Variants in KCNJ16 observed in about 807,000 individuals in gnomAD.
KCNJ16 encodes the protein inward rectifier potassium channel 16.
Under a neutral mutation model 18.5 loss-of-function variants are expected in KCNJ16, and 15 were observed. The observed-to-expected ratio is 0.81, with a 90% CI of 0.54 to 1.25. KCNJ16 has a LOEUF of 1.25. Among genes scored for constraint, KCNJ16 ranks in the 50% most tolerant of loss-of-function variants. KCNJ16 has a pLI of 0.00. For missense variants in KCNJ16, 523 were observed against 525.7 expected (o/e 0.99, Z 0.05); for synonymous variants, 174 against 186.5 (o/e 0.93, Z 0.55).
At chr17:70,105,303 G>C (rs773640939) in intron 2 of KCNJ16, among the ~76,000 whole-genome samples, 1 of 152,090 alleles carries the variant, frequency 6.6e-6, no homozygotes, top group African/African-American at 2.4e-5. Flanking sequence ...AAATGTCAGT[G>C]CCATTTGCAG....
In KCNJ16 at chr17:70,096,848, G is replaced by T. The variant is rs1013052894; in HGVS notation, c.-299-3810G>T. 3 of 397,490 alleles carry T rather than the reference G, an allele frequency of 7.5e-6. No individual in the cohort carries two copies. In the Admixed American group the frequency reaches 1.3e-4, roughly 18 times the overall value. The allele number at this position is 397,490 out of a possible 1,614,324, so 24.6% of individuals were successfully genotyped here. A position where few individuals can be genotyped will look rare whatever the true frequency, so the allele number is the denominator to read the frequency against. On this transcript the variant is annotated intron_variant, in intron 1 of 3. Coordinates refer to ENST00000392671, the MANE Select transcript of KCNJ16 (RefSeq NM_170741.4). ...AAGTTACAGCTAGTAACTTGGTCAGGGTTTTTGGATATAAACTTTATTGTT... is the reference window on the plus strand; with the variant it reads ...AAGTTACAGCTAGTAACTTGGTCAGTGTTTTTGGATATAAACTTTATTGTT...
rs116531043 is a variant in KCNJ16, at chr17:70,092,848, T to C, written c.-299-7810T>C. Reference sequence around the variant, plus strand: ...CCCCATCTCCAGAAAAAGGAAAAGATGTTTGTCCTTCCTCCACCATTTTGT... The same window carrying C: ...CCCCATCTCCAGAAAAAGGAAAAGACGTTTGTCCTTCCTCCACCATTTTGT... On this transcript the variant is annotated intron_variant, in intron 1 of 3. Coordinates refer to ENST00000392671, the MANE Select transcript of KCNJ16 (RefSeq NM_170741.4). Among the ~76,000 whole-genome samples the C allele has an allele frequency of 5.6e-3, 852 of 152,262 alleles. 10 individuals are homozygous for C. The highest frequency in any genetic ancestry group is 0.02 in the African/African-American group (813 of 41,558).
At chr17:70,083,604 C>T (rs1015098550) in intron 1 of KCNJ16, among the ~76,000 whole-genome samples, 2 of 152,082 alleles carry the variant, frequency 1.3e-5, no homozygotes, top group African/African-American at 4.8e-5. Flanking sequence ...CTATACCATA[C>T]AGCCTAGGTG....
intron 1 of KCNJ16, among the ~76,000 whole-genome samples, chr17:70,097,613 A>G (rs1158476195): frequency 2.0e-5 from 3 of 152,120 alleles, no homozygotes; most frequent in African/African-American, 7.2e-5. Flanking sequence ...ATTTTTCTAC[A>G]GTGACTATTT....
intron 1 of KCNJ16, among the ~76,000 whole-genome samples, chr17:70,091,643 G>A (rs1182690473): frequency 6.6e-6 from 1 of 151,952 alleles, no homozygotes; most frequent in African/African-American, 2.4e-5. Flanking sequence ...ATGTTTCCAT[G>A]GCATCTATTC....
At chr17:70,121,868 A>C (rs1366170195) in intron 2 of KCNJ16, among the ~76,000 whole-genome samples, 1 of 152,170 alleles carries the variant, frequency 6.6e-6, no homozygotes, top group Non-Finnish European at 1.5e-5. Context: ...TTGAGGTATG[A>C]GAATTCCTTG....
intron 2 of KCNJ16, chr17:70,128,214 G>C (rs1329374715): frequency 6.6e-6 from 1 of 152,176 alleles, no homozygotes; most frequent in Non-Finnish European, 1.5e-5. Context: ...AATGTTCCTT[G>C]CTGTGTTTAT....
chr17:70,083,028 G>T (rs1353283421), intron 1 of KCNJ16, among the ~76,000 whole-genome samples: 1 of 151,826 alleles, frequency 6.6e-6, no homozygotes, highest in Non-Finnish European at 1.5e-5. Flanking sequence ...CTCAAGGTTT[G>T]ATTAGAGAAG....
At chr17:70,091,618 C>T (rs2072095807) in intron 1 of KCNJ16, among the ~76,000 whole-genome samples, 1 of 152,122 alleles carries the variant, frequency 6.6e-6, no homozygotes, top group African/African-American at 2.4e-5. Context: ...CACACACACA[C>T]ACACCACTCC....
intron 1 of KCNJ16, 46 bp downstream of exon 1, chr17:70,075,436 T>C (rs988771079): frequency 6.6e-6 from 1 of 152,220 alleles, no homozygotes; most frequent in African/African-American, 2.4e-5. Context: ...CAGCCTATGT[T>C]TTGCTCTTGC....
At chr17:70,078,316 A>G (rs2366288) in intron 1 of KCNJ16, among the ~76,000 whole-genome samples, 136,587 of 152,186 alleles carry the variant, frequency 0.9, 61,418 homozygotes, top group East Asian at 1. Flanking sequence ...ATCTGGGGAA[A>G]AAACAGTCCC....
At chr17:70,095,870 CTTTTT>C (rs147216245) in intron 1 of KCNJ16, among the ~76,000 whole-genome samples, 11 of 95,394 alleles carry the variant, frequency 1.2e-4, no homozygotes, top group South Asian at 3.7e-4. Context: ...TTACTTAATC[CTTTTT>C]TTTTTTTTTT....
intron 2 of KCNJ16, among the ~76,000 whole-genome samples, chr17:70,130,663 A>C (rs1437610091): frequency 6.6e-6 from 1 of 152,164 alleles, no homozygotes; most frequent in Non-Finnish European, 1.5e-5. Flanking sequence ...TTTAGTGATG[A>C]ATTTCCCTGG....
At chr17:70,076,994 C>T (rs74939651) in intron 1 of KCNJ16, among the ~76,000 whole-genome samples, 2,586 of 152,254 alleles carry the variant, frequency 0.017, 78 homozygotes, top group African/African-American at 0.058. Flanking sequence ...TCAAAGAAGT[C>T]TTCACTAAGG....
intron 2 of KCNJ16, among the ~76,000 whole-genome samples, chr17:70,115,593 C>T (rs2073369627): frequency 6.6e-6 from 1 of 152,008 alleles, no homozygotes; most frequent in Non-Finnish European, 1.5e-5. Context: ...AAGGTATTAA[C>T]AGTTTAATAT....
chr17:70,125,588 G>A (rs2144203668), intron 2 of KCNJ16, among the ~76,000 whole-genome samples: 1 of 152,238 alleles, frequency 6.6e-6, no homozygotes, highest in South Asian at 2.1e-4. Context: ...GCGCAAGAAA[G>A]AATTCGGGGC....
chr17:70,127,303 T>C (rs1489264739), intron 2 of KCNJ16, among the ~76,000 whole-genome samples: 1 of 151,784 alleles, frequency 6.6e-6, no homozygotes, highest in Non-Finnish European at 1.5e-5. Flanking sequence ...CAGGGAGTAT[T>C]TGGAGAAGCG....
chr17:70,101,898 C>T (rs902862658), intron 2 of KCNJ16: 3 of 151,896 alleles, frequency 2.0e-5, no homozygotes, highest in Non-Finnish European at 2.9e-5. Flanking sequence ...TTTTAGTTAA[C>T]GTTTACTGAA....
At chr17:70,086,538 A>T (rs2071803662) in intron 1 of KCNJ16, among the ~76,000 whole-genome samples, 1 of 152,220 alleles carries the variant, frequency 6.6e-6, no homozygotes, top group African/African-American at 2.4e-5. Context: ...AAAAATGGTT[A>T]TTTATTCATC....
Sources: allele counts gnomAD v4.1 joint callset (sites outside exome capture counted in the v4.1 genomes callset), GRCh38; gene constraint gnomAD v4.1.1; transcripts MANE v1.5; gene names NCBI Gene and HGNC (gene_info 2026-07-23, HGNC 2026-07-21).